Variants in FOXM1 observed in about 807,000 individuals in gnomAD.
The protein encoded by FOXM1 is forkhead box protein M1.
A neutral mutation model predicts 63.6 loss-of-function variants in FOXM1; 25 were observed. That is an observed-to-expected ratio of 0.39 (90% CI 0.29 to 0.55). The LOEUF is 0.55. FOXM1 is among the 20% of genes least tolerant of loss of function. The pLI, the probability that FOXM1 is intolerant of heterozygous loss-of-function variation, is 0.60. For missense variants in FOXM1, 879 were observed against 958.7 expected (o/e 0.92, Z 1.10); for synonymous variants, 387 against 376.9 (o/e 1.03, Z -0.31).
rs760924577 is a variant in FOXM1, at chr12:2,859,145, T to C, written c.1785A>G (p.Gly595=). ...CCTTAATGGGTGTCTTAAAAGGTCCTCCCACTTCCTGGGAGTAGCTGAGCT... is the reference window on the plus strand; with the variant it reads ...CCTTAATGGGTGTCTTAAAAGGTCCCCCCACTTCCTGGGAGTAGCTGAGCT... ...ASQLSYSQEV[G]GPFKTPIKET... Residue 595 remains glycine (G), a synonymous_variant, in exon 9 of 9, where the codon GGA becomes GGG. Coordinates refer to ENST00000359843, the MANE Select transcript of FOXM1 (RefSeq NM_021953.4). 2 of 1,606,474 alleles carry C rather than the reference T, an allele frequency of 1.2e-6. No individual in the cohort carries two copies. Among genetic ancestry groups the C allele is most frequent in the Non-Finnish European group, 1.7e-6 (2 of 1,176,546 alleles).
At chr12:2,875,700 G>A (rs909300483) in intron 1 of FOXM1, among the ~76,000 whole-genome samples, 1 of 150,316 alleles carries the variant, frequency 6.7e-6, no homozygotes, top group Non-Finnish European at 1.5e-5. Flanking sequence ...TTACACTAAG[G>A]TGGTTCTGAA....
In FOXM1 at chr12:2,859,115, C is replaced by T. The variant is rs769587730; in HGVS notation, c.1815G>A (p.Thr605=). The T allele has an allele frequency of 4.1e-5, 66 of 1,605,382 alleles. No individual in the cohort carries two copies. Among genetic ancestry groups the T allele is most frequent in the South Asian group, 1.9e-4 (17 of 90,892 alleles). The change falls in exon 9 of 9, where the codon ACG becomes ACA. Residue 605 remains threonine, a synonymous_variant. Coordinates refer to ENST00000359843, the MANE Select transcript of FOXM1 (RefSeq NM_021953.4). Reference sequence around the variant, plus strand: ...TGCTCGGGGTGGAGGAGATGGGCAGCGTTTCCTTAATGGGTGTCTTAAAAG... The same window carrying T: ...TGCTCGGGGTGGAGGAGATGGGCAGTGTTTCCTTAATGGGTGTCTTAAAAG... ...GGPFKTPIKE[T]LPISSTPSKS...
rs374220211 is a variant in FOXM1 at position 2,858,955 on chromosome 12, G to C, written c.1975C>G (p.Leu659Val). The C allele has an allele frequency of 6.2e-7, 1 of 1,613,480 alleles. No homozygotes were observed. Among genetic ancestry groups the C allele is most frequent in the East Asian group, 2.2e-5 (1 of 44,860 alleles). Residue 659 changes from leucine to valine, a missense_variant, in exon 9 of 9, where the codon CTC becomes GTC. Around this residue, in one of 4 missense-constraint regions of FOXM1, gnomAD observed 486 missense variants for 453.5 expected, o/e 1.07. Transcript: ENST00000359843. ...PLPDPLGLMD[L>V]STTPLQSAPP... ...GCACTTTGCAAGGGAGTGGTGCTGA[G>C]ATCCATCAGCCCCAGGGGGTCAGGC...
chr12:2,866,554 T>C (rs749042600), intron 4 of FOXM1, 33 bp from the exon 5 acceptor site: 1 of 1,484,944 alleles, frequency 6.7e-7, no homozygotes, highest in South Asian at 1.4e-5. Flanking sequence ...GGTTATCAGC[T>C]ACTTTAGATT....
In FOXM1 at chr12:2,874,295, T is replaced by A; in HGVS notation, c.184A>T (p.Ile62Phe). 1 of 1,614,156 alleles carries A rather than the reference T, an allele frequency of 6.2e-7. No individual in the cohort carries two copies. The highest frequency in any genetic ancestry group is 1.1e-5 in the South Asian group (1 of 91,080). The change falls in exon 2 of 9, where the codon ATC becomes TTC. Residue 62 changes from isoleucine to phenylalanine, a missense_variant. Around this residue, in one of 4 missense-constraint regions of FOXM1, gnomAD observed 255 missense variants for 292.4 expected, o/e 0.87. Coordinates refer to ENST00000359843, the MANE Select transcript of FOXM1 (RefSeq NM_021953.4). The surrounding 1 kb of genome is among the most constrained non-coding windows in gnomAD (Gnocchi z 4.3). ...ATGGTGGGGTGGTTAATAATCTTGA[T>A]CCCAGCTGGAAACTTGCAAGAGTTG... ...ESNSCKFPAG[I>F]KIINHPTMPN... is the part of the protein sequence containing the mutation.
Position 2,864,440 on chromosome 12 carries a change from C to G in FOXM1, c.1146G>C (p.Gln382His). Residue 382 changes from glutamine (Q) to histidine (H), a missense_variant, in exon 8 of 9, where the codon CAG becomes CAC. By Grantham distance (24) the Gln-to-His change is conservative. This residue lies in a region of FOXM1 where 76 missense variants were observed against 94.5 expected (regional missense o/e 0.80). Coordinates refer to ENST00000359843, the MANE Select transcript of FOXM1 (RefSeq NM_021953.4). The surrounding 1 kb of genome is among the most constrained non-coding windows in gnomAD (Gnocchi z 5.1). ...PRVSSYLVPIQFPVNQSLVLQ... is the reference protein window; with the variant it reads ...PRVSSYLVPIHFPVNQSLVLQ... ...ACACCAGTGACTGGTTCACCGGGAA[C>G]TGGATAGGTACCAGGTATGAGCTGA... 1 of 1,614,178 alleles carries G rather than the reference C, an allele frequency of 6.2e-7. No homozygotes were observed. Among genetic ancestry groups the G allele is most frequent in the South Asian group, 1.1e-5 (1 of 91,088 alleles).
chr12:2,866,582 A>G, intron 4 of FOXM1, 61 bp from the exon 5 acceptor site: 1 of 1,461,202 alleles, frequency 6.8e-7, no homozygotes, highest in Non-Finnish European at 9.1e-7. Context: ...ATCACCCTTC[A>G]AACACATGGG....
intron 2 of FOXM1, among the ~76,000 whole-genome samples, chr12:2,873,590 T>A (rs915227031): frequency 6.6e-6 from 1 of 151,352 alleles, no homozygotes; most frequent in Admixed American, 6.6e-5. Context: ...ATTTTTATTT[T>A]TTTTTTTGAG....
Position 2,859,656 on chromosome 12 carries a change from A to G in FOXM1, c.1274T>C (p.Leu425Pro). 1 of 1,604,904 alleles carries G rather than the reference A, an allele frequency of 6.2e-7. No homozygotes were observed. Among genetic ancestry groups the G allele is most frequent in the Non-Finnish European group, 8.5e-7 (1 of 1,177,026 alleles). The change falls in exon 9 of 9, where the codon CTA becomes CCA. Residue 425 changes from leucine to proline, a missense_variant. Leu to Pro is a moderately conservative substitution (Grantham distance 98). This residue lies in a region of FOXM1 where 486 missense variants were observed against 453.5 expected (regional missense o/e 1.07). Transcript: ENST00000359843. Reference sequence around the variant, plus strand: ...AAGAGGAGCTATCCCCTCCTCAGCTAGCAGCACCTGAAAGGGAAACAGAGA... The same window carrying G: ...AAGAGGAGCTATCCCCTCCTCAGCTGGCAGCACCTGAAAGGGAAACAGAGA... The part of the protein sequence containing the change: ...KRVRIAPKVL[L>P]AEEGIAPLSS...
rs982977051 is a variant in FOXM1 at position 2,864,797 on chromosome 12, A to G, written c.1021-45T>C. ...AGAGAAAGAAACCTATGTTAACACA[A>G]TAAGGTAAAGAGGGGATGGCAAAAC... On this transcript the variant is annotated intron_variant, in intron 6 of 8. Transcript: ENST00000359843. This position sits in a 1 kb window ranked among gnomAD's most constrained non-coding sequence, Gnocchi z 5.1. 1.2e-6 allele frequency: 2 copies of G among 1,601,500 alleles called. No homozygotes were observed. Among genetic ancestry groups the G allele is most frequent in the African/African-American group, 2.7e-5 (2 of 74,766 alleles).
At chr12:2,872,000 G>T in intron 3 of FOXM1, 96 bp downstream of exon 3, 1 of 1,292,642 alleles carries the variant, frequency 7.7e-7, no homozygotes, top group Non-Finnish European at 1.1e-6. Flanking sequence ...ACCAGAACTT[G>T]GAAATTCTGG....
rs1385535443 is a variant in FOXM1, at chr12:2,866,726, G to A, written c.847-205C>T. ...TCAGCCATAAACCCATCTATTCTAC[G>A]GGAATAAAGACTGATGCCAACCTTA... On this transcript the variant is annotated intron_variant, in intron 4 of 8. Transcript: ENST00000359843. Among the ~76,000 whole-genome samples the A allele has an allele frequency of 3.3e-5, 5 of 152,148 alleles. No individual in the cohort carries two copies. In the South Asian group the frequency reaches 1.0e-3, roughly 31 times the overall value.
chr12:2,876,004 A>G (rs959953319), intron 1 of FOXM1, among the ~76,000 whole-genome samples: 3 of 148,376 alleles, frequency 2.0e-5, no homozygotes, highest in African/African-American at 7.4e-5. Flanking sequence ...CAGGTGATCC[A>G]CCCGCCTCGG....
chr12:2,874,087 G>A lies in FOXM1; in HGVS notation c.392C>T (p.Ala131Val), dbSNP rs1317885443. 2.5e-6 allele frequency: 4 copies of A among 1,614,038 alleles called. No homozygotes were observed. The highest frequency in any genetic ancestry group is 3.4e-6 in the Non-Finnish European group (4 of 1,180,046). Residue 131 changes from alanine (A) to valine (V), a missense_variant, in exon 2 of 9, where the codon GCC (alanine) becomes GTC (valine). Physicochemically the swap from Ala to Val is moderately conservative, Grantham distance 64 (BLOSUM62 0). Transcript: ENST00000359843. The surrounding 1 kb of genome is among the most constrained non-coding windows in gnomAD (Gnocchi z 4.3). ...CTCCAGGGTCACTTCTGTCCTTTTG[G>A]CATCATAGCTGGTTTGGGTTTGAGG... ...LRPQTQTSYD[A>V]KRTEVTLETL...
In FOXM1 at chr12:2,859,593, A is replaced by G. The variant is rs766342084; in HGVS notation, c.1337T>C (p.Phe446Ser). ...AAGCAAAGGAGAAAACCCTTCTCCAAACAGGAGTTTCTCCTCTTTCCCTGG... is the reference window on the plus strand; with the variant it reads ...AAGCAAAGGAGAAAACCCTTCTCCAGACAGGAGTTTCTCCTCTTTCCCTGG... The part of the protein sequence containing the change: ...AGPGKEEKLL[F>S]GEGFSPLLPV... The change falls in exon 9 of 9, where the codon TTT (phenylalanine) becomes TCT (serine). Residue 446 changes from phenylalanine to serine, a missense_variant. Phe to Ser is a radical substitution (Grantham distance 155). Transcript: ENST00000359843. 7 of 1,613,738 alleles carry G rather than the reference A, an allele frequency of 4.3e-6. No homozygotes were observed. The highest frequency in any genetic ancestry group is 2.2e-5 in the East Asian group (1 of 44,876).
intron 3 of FOXM1, among the ~76,000 whole-genome samples, chr12:2,869,714 G>C (rs1442339401): frequency 2.6e-5 from 4 of 150,950 alleles, no homozygotes; most frequent in Non-Finnish European, 5.9e-5. Flanking sequence ...TGGGATTACA[G>C]GCATGAGCCA....
At chr12:2,860,911 G>A (rs1159668900) in intron 8 of FOXM1, among the ~76,000 whole-genome samples, 3 of 149,932 alleles carry the variant, frequency 2.0e-5, no homozygotes, top group East Asian at 3.9e-4. Context: ...GCTTATGCCT[G>A]TAATCCCAGC....
At chr12:2,869,072 C>A (rs1407481461) in intron 3 of FOXM1, among the ~76,000 whole-genome samples, 1 of 152,150 alleles carries the variant, frequency 6.6e-6, no homozygotes, top group Non-Finnish European at 1.5e-5. Context: ...ATTGATGTTA[C>A]ACTAAAACCA....
intron 1 of FOXM1, chr12:2,876,252 A>G (rs1298870814): frequency 6.6e-6 from 1 of 151,994 alleles, no homozygotes; most frequent in African/African-American, 2.4e-5. Context: ...CCACACCTCT[A>G]CCTTCAAATC....
Sources: allele counts gnomAD v4.1 joint callset (sites outside exome capture counted in the v4.1 genomes callset), GRCh38; gene constraint gnomAD v4.1.1; regional missense constraint gnomAD v4.1.1; non-coding constraint Gnocchi (gnomAD v3.1); transcripts MANE v1.5; gene names NCBI Gene and HGNC (gene_info 2026-07-23, HGNC 2026-07-21).